The following PODXL variants were observed in gnomAD, a reference collection of about 807,000 sequenced individuals.
The protein encoded by PODXL is podocalyxin.
A neutral mutation model predicts 48.9 loss-of-function variants in PODXL; 20 were observed. The ratio of observed to expected loss-of-function variants is 0.41; its 90% CI spans 0.29 to 0.59. The LOEUF (loss-of-function observed/expected upper bound fraction) is 0.59. Ranked by LOEUF, PODXL falls within the 20% of genes least tolerant of loss-of-function variation. The pLI, the probability that PODXL is intolerant of heterozygous loss-of-function variation, is 0.31. For missense variants in PODXL, 606 were observed against 675.1 expected, an observed-to-expected ratio of 0.90 and a Z score of 1.13; for synonymous variants, 295 against 287.4, an observed-to-expected ratio of 1.03 and a Z score of -0.27.
intron 5 of PODXL, among the ~76,000 whole-genome samples, chr7:131,508,099 A>ACCCGCCGCG (rs1797841879): frequency 1.3e-5 from 2 of 152,182 alleles, no homozygotes; most frequent in African/African-American, 4.8e-5. Context: ...GCAGTTATTT[A>ACCCGCCGCG]CTGAGTGTGC....
intron 1 of PODXL, among the ~76,000 whole-genome samples, chr7:131,511,847 C>G (rs945247661): frequency 2.6e-5 from 4 of 152,218 alleles, no homozygotes; most frequent in African/African-American, 9.7e-5. Context: ...GCCCACCACA[C>G]GTGGAGGCTG....
In PODXL at chr7:131,510,823, C is replaced by G. The variant is rs1330072475; in HGVS notation, c.706+5G>C. ...GGTGCTTGAAGAAAACCAGGCATTA[C>G]TTACGTAGGGTGGTGGTCATCCCCG... is the stretch of plus-strand genomic sequence containing the variant. On this transcript the variant is annotated splice_donor_5th_base_variant and intron_variant, in intron 2 of 8. Transcript: ENST00000378555. The G allele has an allele frequency of 6.2e-7, 1 of 1,614,068 alleles. No homozygotes were observed. The highest frequency in any genetic ancestry group is 8.5e-7 in the Non-Finnish European group (1 of 1,180,012).
chr7:131,509,452 C>G lies in PODXL; in HGVS notation c.936G>C (p.Glu312Asp), dbSNP rs1744909942. 1 of 1,613,918 alleles carries G rather than the reference C, an allele frequency of 6.2e-7. No individual in the cohort carries two copies. Among genetic ancestry groups the G allele is most frequent in the African/African-American group, 1.3e-5 (1 of 74,866 alleles). ...ATALRTPTLP[E>D]TMSSSPTAAS... The stretch of plus-strand genomic sequence containing the variant: ...CTGCTGTGGGGCTGGAGCTCATGGT[C>G]TCTGGCAGGGTAGGTGTTCTCAATG... The change falls in exon 4 of 9, where the codon GAG becomes GAC. Residue 312 changes from glutamate (E) to aspartate (D), a missense_variant. Transcript: ENST00000378555.
At chr7:131,511,578 A>G in intron 1 of PODXL, 145 bp from the exon 2 acceptor site, 3 of 729,522 alleles carry the variant, frequency 4.1e-6, no homozygotes, top group Non-Finnish European at 6.6e-6. Flanking sequence ...TGAATCCAGA[A>G]TTTTCGGAGG....
intron 1 of PODXL, chr7:131,520,133 G>A: frequency 4.3e-6 from 1 of 232,688 alleles, no homozygotes; most frequent in Non-Finnish European, 8.7e-6. Context: ...CTTGGGTGCG[G>A]TAAAATGGCT....
chr7:131,523,698 A>AC (rs1488214712), intron 1 of PODXL, among the ~76,000 whole-genome samples: 3 of 103,752 alleles, frequency 2.9e-5, no homozygotes, highest in African/African-American at 2.6e-4. Flanking sequence ...AAAAAAAAAA[A>AC]AAAACAAGAA....
At position 131,544,148 on chromosome 7, in the gene PODXL, C is replaced by T. The variant is rs542925314; in HGVS notation, c.100+12112G>A. ...TTTCTTTTGCAAACCCACTCCTCAG[C>T]TCAACACCCAACTCAGATGGACCCT... is the stretch of plus-strand genomic sequence containing the variant. On this transcript the variant is annotated intron_variant, in intron 1 of 8. Coordinates refer to ENST00000378555, the MANE Select transcript of PODXL (RefSeq NM_001018111.3). 2.6e-4 allele frequency among the ~76,000 whole-genome samples: 39 copies of T among 152,332 alleles called. 1 individual carries two copies. The South Asian group carries it at 7.5e-3, about 29-fold the overall frequency.
rs200118147 is a variant in PODXL at position 131,504,308 on chromosome 7, G to A, written c.*3C>T. The A allele has an allele frequency of 1.1e-4, 173 of 1,613,564 alleles. No homozygotes were observed. The highest frequency in any genetic ancestry group is 1.3e-4 in the Non-Finnish European group (152 of 1,179,602). ...TGCTGCTGGAGGCCACCGGCAGACC[G>A]GACTAGAGGTGTGTGTCTTCCTCCT... On this transcript the variant is annotated 3_prime_UTR_variant, in exon 9 of 9. Transcript: ENST00000378555.
At chr7:131,548,986 A>G (rs141404434) in intron 1 of PODXL, among the ~76,000 whole-genome samples, 431 of 152,344 alleles carry the variant, frequency 2.8e-3, no homozygotes, top group African/African-American at 1.0e-2. Flanking sequence ...AGCTACTTTG[A>G]GCTAAGTGCT....
rs1333728914 is a variant in PODXL, at chr7:131,519,173, C to T, written c.101-7740G>A. The stretch of plus-strand genomic sequence containing the variant: ...GGCCACTGGGAGAATTTTCTTTCTA[C>T]GCCACCCTTCAGGATATAGAGCTTT... On this transcript the variant is annotated intron_variant, in intron 1 of 8. Transcript: ENST00000378555. Among the ~76,000 whole-genome samples the T allele has an allele frequency of 5.9e-5, 9 of 152,332 alleles. 1 individual carries two copies. In the South Asian group the frequency reaches 6.2e-4, roughly 11 times the overall value.
At chr7:131,516,732 T>TTC (rs1261346708) in intron 1 of PODXL, among the ~76,000 whole-genome samples, 5 of 76,542 alleles carry the variant, frequency 6.5e-5, no homozygotes, top group South Asian at 4.9e-4. Flanking sequence ...GTGCTTTTTT[T>TTC]TCTCTTTTTT....
intron 1 of PODXL, among the ~76,000 whole-genome samples, chr7:131,515,351 G>T (rs557191838): frequency 1.1e-3 from 172 of 152,264 alleles, no homozygotes; most frequent in Non-Finnish European, 1.9e-3. Context: ...CCGAATTAGG[G>T]TGTTAACTTA....
intron 1 of PODXL, among the ~76,000 whole-genome samples, chr7:131,553,071 G>A (rs895826718): frequency 6.6e-6 from 1 of 152,078 alleles, no homozygotes; most frequent in African/African-American, 2.4e-5. Context: ...CCAGGCGTGA[G>A]CAGCCACACC....
chr7:131,518,133 A>T (rs970959999), intron 1 of PODXL, among the ~76,000 whole-genome samples: 1 of 151,884 alleles, frequency 6.6e-6, no homozygotes, highest in Admixed American at 6.6e-5. Context: ...ATCTGCAAAG[A>T]CCCTATTTCT....
intron 1 of PODXL, among the ~76,000 whole-genome samples, chr7:131,547,189 C>A (rs1383373371): frequency 1.3e-5 from 2 of 152,010 alleles, no homozygotes; most frequent in East Asian, 1.9e-4. Context: ...GCCTGACCAA[C>A]AAGGAGAAAC....
At chr7:131,532,729 C>G (rs1798302934) in intron 1 of PODXL, among the ~76,000 whole-genome samples, 1 of 152,118 alleles carries the variant, frequency 6.6e-6, no homozygotes, top group Non-Finnish European at 1.5e-5. Context: ...GCCCCAACCC[C>G]CAGCGTGAAG....
chr7:131,553,563 G>A (rs1222798901), intron 1 of PODXL, among the ~76,000 whole-genome samples: 1 of 152,202 alleles, frequency 6.6e-6, no homozygotes. Context: ...CATCTTCATA[G>A]CAACCCACAA....
At chr7:131,526,996 C>A (rs559538522) in intron 1 of PODXL, among the ~76,000 whole-genome samples, 10 of 152,280 alleles carry the variant, frequency 6.6e-5, no homozygotes, top group African/African-American at 2.2e-4. Flanking sequence ...ATCTTGGCCT[C>A]CCAAAGTGCT....
In PODXL at chr7:131,518,474, T is replaced by C. The variant is rs1798037994; in HGVS notation, c.101-7041A>G. ...CATCAGTTTGCACCACTGGCAACAT[T>C]AGTATTGGATACTGGCTTTTATTGG... On this transcript the variant is annotated intron_variant, in intron 1 of 8. Coordinates refer to ENST00000378555, the MANE Select transcript of PODXL (RefSeq NM_001018111.3). Among the ~76,000 whole-genome samples the C allele has an allele frequency of 3.9e-5, 6 of 152,216 alleles. No individual in the cohort carries two copies. The South Asian group carries it at 1.2e-3, about 32-fold the overall frequency.
Sources: gnomAD v4.1 joint callset for allele counts (sites outside exome capture counted in the v4.1 genomes callset) on GRCh38, gnomAD v4.1.1 for gene constraint, MANE v1.5 for transcripts, NCBI Gene and HGNC (gene_info 2026-07-23, HGNC 2026-07-21) for gene names.